The following P3H2 variants were observed in gnomAD, a reference collection of about 807,000 sequenced individuals.
P3H2 encodes leprecan-like 1.
P3H2 carries 80 observed loss-of-function variants against 87.0 expected under a neutral mutation model. That is an observed-to-expected ratio of 0.92 (90% CI 0.77 to 1.11). P3H2 has a LOEUF of 1.11. Among genes scored for constraint, P3H2 ranks in the 50% least tolerant of loss-of-function variants. The pLI is 0.00. For synonymous variants in P3H2, 367 were observed against 359.3 expected (o/e 1.02, Z -0.24); for missense variants, 1,001 against 923.9 (o/e 1.08, Z -1.08).
At chr3:190,067,427 G>C (rs767898897) in intron 1 of P3H2, among the ~76,000 whole-genome samples, 169 of 152,018 alleles carry the variant, frequency 1.1e-3, no homozygotes, top group Non-Finnish European at 1.6e-3. Context: ...CTTTTACTAA[G>C]TATTTCCCTC....
At chr3:190,003,241 T>C (rs1211638690) in intron 1 of P3H2, among the ~76,000 whole-genome samples, 2 of 152,184 alleles carry the variant, frequency 1.3e-5, no homozygotes, top group Non-Finnish European at 2.9e-5. Flanking sequence ...ACTCCTGCTT[T>C]TTTAAACACT....
At chr3:190,088,268 C>T (rs771582538) in intron 1 of P3H2, among the ~76,000 whole-genome samples, 12 of 152,154 alleles carry the variant, frequency 7.9e-5, no homozygotes, top group Admixed American at 6.5e-5. Context: ...ATGTACAATA[C>T]ATCTGGATAA....
intron 1 of P3H2, among the ~76,000 whole-genome samples, chr3:190,078,667 T>C (rs925527505): frequency 3.9e-5 from 6 of 152,118 alleles, no homozygotes; most frequent in South Asian, 2.1e-4. Flanking sequence ...GACACAGAAA[T>C]GTAGTGTTAT....
rs142269377 is a variant in P3H2 at position 190,078,083 on chromosome 3, C to T, written c.480+42169G>A. Among the ~76,000 whole-genome samples the T allele has an allele frequency of 4.2e-3, 641 of 152,326 alleles. 5 individuals are homozygous for T. Among genetic ancestry groups the T allele is most frequent in the Middle Eastern group, 0.027 (8 of 292 alleles). ...AGATGAAAGTATTGATGGGTAGCGA[C>T]TCCAAATCCTCTCCATCCCCTTTCT... is the stretch of plus-strand genomic sequence containing the variant. On this transcript the variant is annotated intron_variant, in intron 1 of 14. Coordinates refer to ENST00000319332, the MANE Select transcript of P3H2 (RefSeq NM_018192.4).
chr3:189,966,169 AAGAAAGAAAG>A (rs1167982993), intron 13 of P3H2, among the ~76,000 whole-genome samples: 8 of 148,888 alleles, frequency 5.4e-5, no homozygotes, highest in African/African-American at 2.0e-4. Flanking sequence ...GAAAGAAAGA[AAGAAAGAAAG>A]AAAGAAAGAA....
At chr3:189,989,121 C>A in intron 3 of P3H2, 83 bp from the exon 4 acceptor site, 2 of 1,515,234 alleles carry the variant, frequency 1.3e-6, no homozygotes, top group South Asian at 1.1e-5. Context: ...TTACACAGGT[C>A]ATTCCTCACC....
At chr3:190,090,428 G>A (rs556938865) in intron 1 of P3H2, among the ~76,000 whole-genome samples, 5 of 152,252 alleles carry the variant, frequency 3.3e-5, no homozygotes, top group African/African-American at 9.6e-5. Flanking sequence ...TATTGGCCGC[G>A]CACGGTGGCT....
intron 1 of P3H2, among the ~76,000 whole-genome samples, chr3:189,998,156 G>A (rs1329547744): frequency 1.3e-5 from 2 of 151,590 alleles, no homozygotes; most frequent in African/African-American, 2.4e-5. Context: ...ATGAAGAGTA[G>A]AGTTTATAGC....
At chr3:190,024,530 C>CAAA (rs71635314) in intron 1 of P3H2, among the ~76,000 whole-genome samples, 10,605 of 52,816 alleles carry the variant, frequency 0.2, 1,190 homozygotes, top group Non-Finnish European at 0.25. Flanking sequence ...GGTTCCCTCT[C>CAAA]AAAAAAAAAA....
Position 189,957,493 on chromosome 3 carries a change from G to A in P3H2, c.*419C>T, listed in dbSNP as rs113431699. The A allele has an allele frequency of 2.1e-5, 8 of 381,436 alleles. No homozygotes were observed. Among genetic ancestry groups the A allele is most frequent in the African/African-American group, 1.2e-4 (6 of 48,180 alleles). The allele number at this position is 381,436 out of a possible 1,614,324, so 23.6% of individuals were successfully genotyped here. A position where few individuals can be genotyped will look rare whatever the true frequency, so the allele number is the denominator to read the frequency against. The stretch of plus-strand genomic sequence containing the variant: ...TGTGTGTGTGTGTTTGGGGGAGGAG[G>A]TGAACTGGGCTTTGATAGATACATG... On this transcript the variant is annotated 3_prime_UTR_variant, in exon 15 of 15. Transcript: ENST00000319332.
intron 1 of P3H2, among the ~76,000 whole-genome samples, chr3:190,010,487 T>C (rs1724551412): frequency 6.6e-6 from 1 of 152,078 alleles, no homozygotes; most frequent in Non-Finnish European, 1.5e-5. Context: ...TTTGGTTTGT[T>C]ATTTGTTTGT....
At chr3:189,973,335 A>G (rs967717555) in intron 10 of P3H2, among the ~76,000 whole-genome samples, 2 of 152,032 alleles carry the variant, frequency 1.3e-5, no homozygotes, top group African/African-American at 2.4e-5. Context: ...TCACTATTAG[A>G]TCATGATTTT....
intron 1 of P3H2, among the ~76,000 whole-genome samples, chr3:189,999,036 T>C (rs1358898434): frequency 6.6e-6 from 1 of 152,202 alleles, no homozygotes; most frequent in Non-Finnish European, 1.5e-5. Flanking sequence ...CTAACAGGAC[T>C]GTACTGATCC....
At chr3:190,049,520 C>G (rs138705936) in intron 1 of P3H2, among the ~76,000 whole-genome samples, 1 of 152,292 alleles carries the variant, frequency 6.6e-6, no homozygotes, top group South Asian at 2.1e-4. Flanking sequence ...AAATACATTT[C>G]GCTTTCATGA....
At chr3:190,079,342 A>AAATG (rs1030341574) in intron 1 of P3H2, among the ~76,000 whole-genome samples, 3 of 45,678 alleles carry the variant, frequency 6.6e-5, no homozygotes, top group African/African-American at 1.8e-4. Flanking sequence ...CTGTCTCAAA[A>AAATG]AATAAATAAA....
At chr3:189,966,121 GAAAAAGAAAGAAAGAA>G (rs1400984454) in intron 13 of P3H2, among the ~76,000 whole-genome samples, 5 of 70,742 alleles carry the variant, frequency 7.1e-5, no homozygotes, top group East Asian at 6.6e-4. Flanking sequence ...AAGAAAGAAA[GAAAAAGAAAGAAAGAA>G]AGAAAGAAAG....
At position 190,041,091 on chromosome 3, in the gene P3H2, C is replaced by A. The variant is rs761375618; in HGVS notation, c.481-45649G>T. Among the ~76,000 whole-genome samples the A allele has an allele frequency of 6.7e-3, 339 of 50,530 alleles. 25 individuals carry two copies. Among genetic ancestry groups the A allele is most frequent in the East Asian group, 0.011 (9 of 792 alleles). 33.1% of individuals were successfully genotyped at this position (50,530 alleles called of 152,430 possible). A position where few individuals can be genotyped will look rare whatever the true frequency, so the allele number is the denominator to read the frequency against. On this transcript the variant is annotated intron_variant, in intron 1 of 14. Coordinates refer to ENST00000319332, the MANE Select transcript of P3H2 (RefSeq NM_018192.4). ...ACACACACACACACACTCTCTCTCT[C>A]TATATATATATATATACTATATATA...
chr3:190,018,652 T>G (rs1724844060), intron 1 of P3H2, among the ~76,000 whole-genome samples: 1 of 152,038 alleles, frequency 6.6e-6, no homozygotes, highest in African/African-American at 2.4e-5. Flanking sequence ...GAGGTTGCAA[T>G]GAGCTATGAT....
At chr3:190,003,495 TA>T (rs5855293) in intron 1 of P3H2, among the ~76,000 whole-genome samples, 42,086 of 145,842 alleles carry the variant, frequency 0.29, 5,955 homozygotes, top group African/African-American at 0.35. Flanking sequence ...CCCTTGATGT[TA>T]AAAAAAAAAA....
Sources: allele counts gnomAD v4.1 joint callset (sites outside exome capture counted in the v4.1 genomes callset), GRCh38; gene constraint gnomAD v4.1.1; transcripts MANE v1.5; gene names NCBI Gene and HGNC (gene_info 2026-07-23, HGNC 2026-07-21).